Variants in RBPMS2 observed in about 807,000 individuals in gnomAD.
RBPMS2 encodes the protein RNA binding protein, mRNA processing factor 2.
A neutral mutation model predicts 25.7 loss-of-function variants in RBPMS2; 14 were observed. That is an observed-to-expected ratio of 0.55 (90% CI 0.36 to 0.85). The LOEUF is 0.85. RBPMS2 is among the 40% of genes least tolerant of loss of function. The pLI is 0.01. For missense variants in RBPMS2, 252 were observed against 283.4 expected, an observed-to-expected ratio of 0.89 and a Z score of 0.80; for synonymous variants, 127 against 115.6, an observed-to-expected ratio of 1.10 and a Z score of -0.63.
chr15:64,754,294 A>G (rs915177241), intron 1 of RBPMS2, among the ~76,000 whole-genome samples: 5 of 151,970 alleles, frequency 3.3e-5, no homozygotes, highest in African/African-American at 1.2e-4. Flanking sequence ...CATGGGCGAC[A>G]GAGTGAGACT....
At chr15:64,755,971 C>T (rs1169157349) in intron 1 of RBPMS2, among the ~76,000 whole-genome samples, 2 of 152,150 alleles carry the variant, frequency 1.3e-5, no homozygotes, top group Non-Finnish European at 2.9e-5. Context: ...CCTTTCCTTC[C>T]TCTGAAGCCC....
chr15:64,764,348 A>C (rs1459421899), intron 1 of RBPMS2, among the ~76,000 whole-genome samples: 1 of 152,178 alleles, frequency 6.6e-6, no homozygotes, highest in Non-Finnish European at 1.5e-5. Flanking sequence ...GCCAGCTCCT[A>C]AATCAATACC....
chr15:64,742,681 G>A (rs149930231), intron 6 of RBPMS2, among the ~76,000 whole-genome samples: 2 of 152,326 alleles, frequency 1.3e-5, no homozygotes, highest in African/African-American at 4.8e-5. Context: ...GTTGGGGGAT[G>A]AGCATCCAGG....
At chr15:64,760,736 A>C (rs1281861382) in intron 1 of RBPMS2, among the ~76,000 whole-genome samples, 2 of 151,816 alleles carry the variant, frequency 1.3e-5, no homozygotes, top group Non-Finnish European at 2.9e-5. Flanking sequence ...CAGGAGACAG[A>C]GGTTGCACTG....
At chr15:64,775,150 G>A in intron 1 of RBPMS2, 83 bp downstream of exon 1, 1 of 768,628 alleles carries the variant, frequency 1.3e-6, no homozygotes, top group Non-Finnish European at 1.7e-6. Flanking sequence ...CCGGCCCCGC[G>A]AGGCGCGGCA....
In RBPMS2 at chr15:64,748,442, C is replaced by CGGCAGT; in HGVS notation, c.538_543dup (p.Thr180_Ala181dup). ...ACCTGAGCGTGGAGGGCGGCGGCAG[C>CGGCAGT]GGCAGTGGCAGTTGGGTAGGTGAAC... On this transcript the variant is annotated inframe_insertion, in exon 6 of 8. Transcript: ENST00000300069. 6.2e-7 allele frequency: 1 copy of CGGCAGT among 1,613,994 alleles called. No individual in the cohort carries two copies. The highest frequency in any genetic ancestry group is 1.1e-5 in the South Asian group (1 of 91,076).
chr15:64,747,987 C>T (rs2083634343), intron 6 of RBPMS2, among the ~76,000 whole-genome samples: 1 of 114,802 alleles, frequency 8.7e-6, no homozygotes, highest in Non-Finnish European at 2.0e-5. Context: ...TGATCATTCC[C>T]ATTTTTCAGA....
At chr15:64,757,758 A>G in intron 1 of RBPMS2, among the ~76,000 whole-genome samples, 1 of 152,124 alleles carries the variant, frequency 6.6e-6, no homozygotes, top group East Asian at 1.9e-4. Context: ...AACAGGGGAA[A>G]CATTCAGGAA....
chr15:64,771,265 A>G (rs1349314816), intron 1 of RBPMS2, among the ~76,000 whole-genome samples: 1 of 152,264 alleles, frequency 6.6e-6, no homozygotes, highest in Non-Finnish European at 1.5e-5. Flanking sequence ...AAAAATTACT[A>G]TAACTTAGTA....
At chr15:64,751,106 G>A (rs542402729) in intron 2 of RBPMS2, among the ~76,000 whole-genome samples, 22 of 152,076 alleles carry the variant, frequency 1.4e-4, no homozygotes, top group South Asian at 1.0e-3. Context: ...AGGCCGGGGC[G>A]GGCGGATCAC....
intron 6 of RBPMS2, among the ~76,000 whole-genome samples, chr15:64,744,801 T>TGG (rs2083601921): frequency 3.8e-4 from 6 of 15,960 alleles, no homozygotes; most frequent in African/African-American, 5.5e-4. Flanking sequence ...TTGTTTTGTT[T>TGG]TTTTTTTTTT....
At chr15:64,763,650 G>A (rs1022663383) in intron 1 of RBPMS2, among the ~76,000 whole-genome samples, 1 of 152,202 alleles carries the variant, frequency 6.6e-6, no homozygotes, top group Non-Finnish European at 1.5e-5. Flanking sequence ...GGTAGAACAG[G>A]TATGGGGTCC....
chr15:64,766,797 G>T lies in RBPMS2; in HGVS notation c.87+8436C>A, dbSNP rs7166196. Among the ~76,000 whole-genome samples, 1,219 of 152,156 alleles carry T rather than the reference G, an allele frequency of 8.0e-3. 18 individuals carry two copies. Among genetic ancestry groups the T allele is most frequent in the African/African-American group, 0.027 (1,132 of 41,486 alleles). The stretch of plus-strand genomic sequence containing the variant: ...ACCTGCCTCAGCCTCCCAAAGTGCT[G>T]GGATTACAGGCCTGAGCCACTGTGC... On this transcript the variant is annotated intron_variant, in intron 1 of 7. Coordinates refer to ENST00000300069, the MANE Select transcript of RBPMS2 (RefSeq NM_194272.3).
intron 1 of RBPMS2, among the ~76,000 whole-genome samples, chr15:64,753,690 C>T (rs1194132705): frequency 6.6e-6 from 1 of 152,134 alleles, no homozygotes; most frequent in African/African-American, 2.4e-5. Flanking sequence ...CATCTTCTCC[C>T]TTGGGACACG....
intron 6 of RBPMS2, among the ~76,000 whole-genome samples, chr15:64,742,307 C>T (rs567941841): frequency 6.6e-6 from 1 of 152,346 alleles, no homozygotes; most frequent in Admixed American, 6.5e-5. Flanking sequence ...ACCTTCCCAC[C>T]CCTGCTGTGC....
intron 1 of RBPMS2, among the ~76,000 whole-genome samples, chr15:64,771,295 T>C (rs1157372156): frequency 6.6e-6 from 1 of 152,256 alleles, no homozygotes; most frequent in African/African-American, 2.4e-5. Flanking sequence ...ACCGTTTAGT[T>C]GTCCCTCGAT....
intron 6 of RBPMS2, 56 bp downstream of exon 6, chr15:64,748,363 A>T: frequency 6.4e-7 from 1 of 1,571,978 alleles, no homozygotes; most frequent in Non-Finnish European, 8.7e-7. Context: ...GCACATGCAA[A>T]GTCTGGCCAG....
At chr15:64,773,210 G>A (rs2083904584) in intron 1 of RBPMS2, among the ~76,000 whole-genome samples, 1 of 152,214 alleles carries the variant, frequency 6.6e-6, no homozygotes, top group Non-Finnish European at 1.5e-5. Context: ...ACTGCTTAGG[G>A]AGCATCTAAA....
intron 6 of RBPMS2, among the ~76,000 whole-genome samples, chr15:64,744,798 G>GTTGTTTTTTTTTT (rs2083601378): frequency 2.2e-5 from 1 of 46,290 alleles, no homozygotes; most frequent in African/African-American, 7.4e-5. Flanking sequence ...GGTTTGTTTT[G>GTTGTTTTTTTTTT]TTTTTTTTTT....
Sources: allele counts gnomAD v4.1 joint callset (sites outside exome capture counted in the v4.1 genomes callset), GRCh38; gene constraint gnomAD v4.1.1; transcripts MANE v1.5; gene names NCBI Gene and HGNC (gene_info 2026-07-23, HGNC 2026-07-21).